ERBB4: variants seen among roughly 807,000 people sequenced by gnomAD.
The protein encoded by ERBB4 is receptor tyrosine-protein kinase erbB-4.
A neutral mutation model predicts 158.0 loss-of-function variants in ERBB4; 42 were observed. The observed-to-expected ratio is 0.27, with a 90% CI of 0.21 to 0.34. ERBB4 has a LOEUF of 0.34. ERBB4 is among the 10% of genes least tolerant of loss of function. The pLI, the probability that ERBB4 is intolerant of heterozygous loss-of-function variation, is 1.00. For missense variants in ERBB4, 1,333 were observed against 1,624.1 expected (o/e 0.82, Z 3.08); for synonymous variants, 583 against 558.7 (o/e 1.04, Z -0.61).
At chr2:211,706,367 T>C (rs1285567860) in intron 9 of ERBB4, among the ~76,000 whole-genome samples, 1 of 152,164 alleles carries the variant, frequency 6.6e-6, no homozygotes, top group Non-Finnish European at 1.5e-5. Flanking sequence ...GCAGCCTTAA[T>C]AGGGCTATCA....
At chr2:211,978,440 A>ATCT (rs67236718) in intron 2 of ERBB4, among the ~76,000 whole-genome samples, 4 of 151,176 alleles carry the variant, frequency 2.6e-5, no homozygotes, top group East Asian at 1.9e-4. Context: ...CTATCTATCT[A>ATCT]ATTTAATGAG....
intron 3 of ERBB4, among the ~76,000 whole-genome samples, chr2:211,798,838 T>C (rs1305117486): frequency 6.6e-6 from 1 of 152,184 alleles, no homozygotes; most frequent in Non-Finnish European, 1.5e-5. Flanking sequence ...CTGTATTTCA[T>C]AAGTTAAATT....
At chr2:211,665,296 G>A in intron 15 of ERBB4, 27 bp downstream of exon 15, 2 of 1,612,974 alleles carry the variant, frequency 1.2e-6, no homozygotes, top group South Asian at 2.2e-5. Context: ...CATACCAGGT[G>A]AGCCCTTGGC....
chr2:211,511,130 A>G (rs13015567), intron 20 of ERBB4, among the ~76,000 whole-genome samples: 64,044 of 151,730 alleles, frequency 0.42, 14,091 homozygotes, highest in Non-Finnish European at 0.49. Flanking sequence ...AGTATATTAA[A>G]CTGCCTACTT....
intron 2 of ERBB4, among the ~76,000 whole-genome samples, chr2:211,986,820 T>C (rs1017661263): frequency 2.0e-5 from 3 of 152,294 alleles, no homozygotes; most frequent in African/African-American, 4.8e-5. Flanking sequence ...ACTAATTACA[T>C]CTAAATATTT....
intron 2 of ERBB4, among the ~76,000 whole-genome samples, chr2:211,986,328 C>A (rs997455713): frequency 2.6e-5 from 4 of 152,144 alleles, no homozygotes; most frequent in Admixed American, 6.6e-5. Flanking sequence ...AATGAATATA[C>A]TATCCAATCA....
intron 13 of ERBB4, among the ~76,000 whole-genome samples, chr2:211,674,996 A>G (rs986429792): frequency 2.0e-5 from 3 of 152,154 alleles, no homozygotes; most frequent in Non-Finnish European, 2.9e-5. Context: ...TTTCTTCCAT[A>G]GATTTCCATT....
At chr2:211,833,886 A>G (rs901252989) in intron 3 of ERBB4, among the ~76,000 whole-genome samples, 2 of 152,052 alleles carry the variant, frequency 1.3e-5, no homozygotes, top group African/African-American at 4.8e-5. Context: ...TTTATCTAGG[A>G]GATAAAAAGT....
chr2:211,773,517 C>T (rs2075767930), intron 4 of ERBB4, among the ~76,000 whole-genome samples: 1 of 144,476 alleles, frequency 6.9e-6, no homozygotes, highest in African/African-American at 2.5e-5. Context: ...TCTGTTCTAC[C>T]ACCTGGAGGT....
chr2:211,436,150 C>CTA (rs1447049612), intron 20 of ERBB4, among the ~76,000 whole-genome samples: 2 of 152,240 alleles, frequency 1.3e-5, no homozygotes, highest in African/African-American at 4.8e-5. Flanking sequence ...TTAAAAGGCA[C>CTA]TAGTACTTTG....
intron 19 of ERBB4, among the ~76,000 whole-genome samples, chr2:211,587,655 G>T (rs981577506): frequency 6.6e-5 from 10 of 151,680 alleles, no homozygotes; most frequent in Non-Finnish European, 1.3e-4. Flanking sequence ...AAAAAAAAAA[G>T]TACAGTGAAT....
At chr2:212,118,655 A>T (rs924098662) in intron 2 of ERBB4, among the ~76,000 whole-genome samples, 25 of 152,176 alleles carry the variant, frequency 1.6e-4, no homozygotes, top group African/African-American at 5.5e-4. Context: ...ATTTGAATTT[A>T]AAAATAGGAC....
chr2:211,795,846 CAT>C (rs1219023432), intron 3 of ERBB4, among the ~76,000 whole-genome samples: 7 of 151,474 alleles, frequency 4.6e-5, no homozygotes, highest in Admixed American at 4.6e-4. Context: ...TCTGGGTGAT[CAT>C]ATGAGTAGCT....
intron 3 of ERBB4, among the ~76,000 whole-genome samples, chr2:211,888,803 A>G (rs186223860): frequency 0.13 from 19,940 of 148,162 alleles, 1,514 homozygotes; most frequent in African/African-American, 0.24. Context: ...CACCTGGAAA[A>G]TCGGGTCACT....
At chr2:211,676,538 T>C (rs1231414639) in intron 13 of ERBB4, among the ~76,000 whole-genome samples, 1 of 151,978 alleles carries the variant, frequency 6.6e-6, no homozygotes, top group Non-Finnish European at 1.5e-5. Flanking sequence ...AACTGTAATA[T>C]TAAATAAAAA....
chr2:211,725,698 C>T, intron 5 of ERBB4, among the ~76,000 whole-genome samples: 1 of 152,108 alleles, frequency 6.6e-6, no homozygotes, highest in East Asian at 1.9e-4. Context: ...TCAATTCACA[C>T]AATGTGCATA....
intron 2 of ERBB4, among the ~76,000 whole-genome samples, chr2:212,005,265 G>A (rs747262129): frequency 6.6e-6 from 1 of 152,064 alleles, no homozygotes; most frequent in African/African-American, 2.4e-5. Context: ...AAATTTTGCC[G>A]CCCGGACCTC....
intron 4 of ERBB4, among the ~76,000 whole-genome samples, chr2:211,774,408 T>C (rs554921405): frequency 1.8e-4 from 27 of 152,220 alleles, no homozygotes; most frequent in Admixed American, 1.4e-3. Flanking sequence ...GATAGTAAGC[T>C]AGGGCCTGTA....
At chr2:212,364,334 C>CA (rs903714566) in intron 1 of ERBB4, among the ~76,000 whole-genome samples, 1 of 151,316 alleles carries the variant, frequency 6.6e-6, no homozygotes, top group East Asian at 1.9e-4. Flanking sequence ...TTTTTTCTTT[C>CA]AAAAAAATGA....
Sources: gnomAD v4.1 joint callset for allele counts (sites outside exome capture counted in the v4.1 genomes callset) on GRCh38, gnomAD v4.1.1 for gene constraint, MANE v1.5 for transcripts, NCBI Gene and HGNC (gene_info 2026-07-23, HGNC 2026-07-21) for gene names.